Variants in SPSB1 observed in about 807,000 individuals in gnomAD.
SPSB1 encodes splA/ryanodine receptor domain and SOCS box containing 1.
A neutral mutation model predicts 21.2 loss-of-function variants in SPSB1; 8 were observed. That is an observed-to-expected ratio of 0.38 (90% CI 0.22 to 0.68). The LOEUF (loss-of-function observed/expected upper bound fraction) is 0.68. Ranked by LOEUF, SPSB1 falls within the 30% of genes least tolerant of loss-of-function variation. The pLI, the probability that SPSB1 is intolerant of heterozygous loss-of-function variation, is 0.53. For missense variants in SPSB1, 242 were observed against 377.8 expected (o/e 0.64, Z 2.98); for synonymous variants, 169 against 161.7 (o/e 1.05, Z -0.34).
chr1:9,367,725 C>G lies in SPSB1; in HGVS notation c.*150C>G. ...CTTCCCTCATCCTCCGTGGCTGCCT[C>G]CATGGGACAAGGACCGATTCCAACA... On this transcript the variant is annotated 3_prime_UTR_variant, in exon 3 of 3. Coordinates refer to ENST00000328089, the MANE Select transcript of SPSB1 (RefSeq NM_025106.4). This position sits in a 1 kb window ranked among gnomAD's most constrained non-coding sequence, Gnocchi z 5.9. The G allele has an allele frequency of 2.4e-6, 3 of 1,250,084 alleles. No individual in the cohort carries two copies. Among genetic ancestry groups the G allele is most frequent in the Non-Finnish European group, 3.2e-6 (3 of 929,216 alleles). The allele number at this position is 1,250,084 out of a possible 1,614,324, so 77.4% of individuals were successfully genotyped here. A position where few individuals can be genotyped will look rare whatever the true frequency, so the allele number is the denominator to read the frequency against.
intron 1 of SPSB1, among the ~76,000 whole-genome samples, chr1:9,297,808 G>A (rs1335381968): frequency 6.6e-6 from 1 of 152,098 alleles, no homozygotes; most frequent in African/African-American, 2.4e-5. Context: ...AAAGGCTTAG[G>A]GACATTGGAA....
At position 9,317,837 on chromosome 1, in the gene SPSB1, A is replaced by ATTT. The variant is rs34392416; in HGVS notation, c.-150+24783_-150+24785dup. On this transcript the variant is annotated intron_variant, in intron 1 of 2. Transcript: ENST00000328089. This position sits in a 1 kb window ranked among gnomAD's most constrained non-coding sequence, Gnocchi z 4.3. ...GTGATTTCCGGTGGCGAGGGAACCA[A>ATTT]TTTTTTTTTTTTTTTTTTTGAGACC... is the stretch of plus-strand genomic sequence containing the variant. Among the ~76,000 whole-genome samples, 16 of 134,706 alleles carry ATTT rather than the reference A, an allele frequency of 1.2e-4. No homozygotes were observed. The highest frequency in any genetic ancestry group is 1.7e-4 in the African/African-American group (6 of 35,036). 88.4% of individuals were successfully genotyped at this position (134,706 alleles called of 152,430 possible).
At chr1:9,338,150 C>T (rs1400012348) in intron 1 of SPSB1, among the ~76,000 whole-genome samples, 1 of 152,242 alleles carries the variant, frequency 6.6e-6, no homozygotes, top group Non-Finnish European at 1.5e-5. Flanking sequence ...CGCTCCTCCC[C>T]CCAGACCTGG....
At chr1:9,307,992 T>C (rs1639450334) in intron 1 of SPSB1, among the ~76,000 whole-genome samples, 1 of 152,146 alleles carries the variant, frequency 6.6e-6, no homozygotes. Flanking sequence ...CTCATGGTGC[T>C]CCTCCTCCTG....
At chr1:9,319,042 G>T (rs903471646) in intron 1 of SPSB1, among the ~76,000 whole-genome samples, 7 of 152,076 alleles carry the variant, frequency 4.6e-5, no homozygotes, top group Non-Finnish European at 8.8e-5. Context: ...GCCGGGCATG[G>T]TGGCGCACCC....
intron 1 of SPSB1, among the ~76,000 whole-genome samples, chr1:9,295,215 TGA>T (rs1167953386): frequency 3.2e-4 from 26 of 81,290 alleles, no homozygotes; most frequent in African/African-American, 1.1e-3. Flanking sequence ...TGTGAGAGTG[TGA>T]GTGTGTGTGT....
At chr1:9,364,345 C>T (rs951581972) in intron 2 of SPSB1, among the ~76,000 whole-genome samples, 1 of 152,258 alleles carries the variant, frequency 6.6e-6, no homozygotes, top group African/African-American at 2.4e-5. Flanking sequence ...AGACCACAGG[C>T]TGCGATAAGC....
At chr1:9,299,388 T>C (rs1639278779) in intron 1 of SPSB1, among the ~76,000 whole-genome samples, 1 of 152,188 alleles carries the variant, frequency 6.6e-6, no homozygotes, top group Admixed American at 6.5e-5. Context: ...CCTGTAATCC[T>C]AGCACTTCAG....
intron 1 of SPSB1, 41 bp from the exon 2 acceptor site, chr1:9,355,702 C>T (rs966218581): frequency 1.5e-6 from 2 of 1,312,824 alleles, no homozygotes; most frequent in African/African-American, 3.0e-5. Context: ...CCCTTCATCC[C>T]ACAGTCCTGC....
chr1:9,322,227 G>A (rs1243294640), intron 1 of SPSB1, among the ~76,000 whole-genome samples: 1 of 152,138 alleles, frequency 6.6e-6, no homozygotes, highest in Non-Finnish European at 1.5e-5. Context: ...GCTGAGTAGA[G>A]TACCAGCATC....
At chr1:9,335,361 G>C (rs1000958089) in intron 1 of SPSB1, among the ~76,000 whole-genome samples, 1 of 152,020 alleles carries the variant, frequency 6.6e-6, no homozygotes, top group East Asian at 1.9e-4. Context: ...AATTAACCAG[G>C]TGTGGTGGTG....
intron 2 of SPSB1, among the ~76,000 whole-genome samples, chr1:9,366,450 A>G (rs893003477): frequency 6.6e-6 from 1 of 152,126 alleles, no homozygotes; most frequent in Non-Finnish European, 1.5e-5. Flanking sequence ...AGGGTTTGCC[A>G]TGTCTTCCTT....
chr1:9,306,376 A>AG (rs1639411077), intron 1 of SPSB1, among the ~76,000 whole-genome samples: 1 of 152,088 alleles, frequency 6.6e-6, no homozygotes, highest in Non-Finnish European at 1.5e-5. Flanking sequence ...TCCAGCCTGG[A>AG]GGAGGTGGAA....
chr1:9,315,322 C>T (rs1375916385), intron 1 of SPSB1, among the ~76,000 whole-genome samples: 1 of 152,258 alleles, frequency 6.6e-6, no homozygotes, highest in Non-Finnish European at 1.5e-5. Context: ...TGCCCACCCA[C>T]GTTAGCTCTC....
Position 9,311,161 on chromosome 1 carries a change from T to G in SPSB1, c.-150+18090T>G, listed in dbSNP as rs1262564290. 8.9e-4 allele frequency among the ~76,000 whole-genome samples: 18 copies of G among 20,122 alleles called. No homozygotes were observed. In the African/African-American group the frequency reaches 0.014, roughly 16 times the overall value. 13.2% of individuals were successfully genotyped at this position (20,122 alleles called of 152,430 possible). A position where few individuals can be genotyped will look rare whatever the true frequency, so the allele number is the denominator to read the frequency against. ...TGTCTAGACAGCGCAGGATAAAGGG[T>G]TTTTTTTTTTTTTTTTTAATGCCTT... is the stretch of plus-strand genomic sequence containing the variant. On this transcript the variant is annotated intron_variant, in intron 1 of 2. Coordinates refer to ENST00000328089, the MANE Select transcript of SPSB1 (RefSeq NM_025106.4).
In SPSB1 at chr1:9,293,325, C is replaced by T. The variant is rs1639151739; in HGVS notation, c.-150+254C>T. ...GGGGCCCAGGCCCGCCCCGCGCTGC[C>T]GCCGCTGCAGGGCAGGGGGTCCCGG... On this transcript the variant is annotated intron_variant, in intron 1 of 2. Coordinates refer to ENST00000328089, the MANE Select transcript of SPSB1 (RefSeq NM_025106.4). The surrounding 1 kb of genome is among the most constrained non-coding windows in gnomAD (Gnocchi z 5.1). Among the ~76,000 whole-genome samples, 1 of 149,066 alleles carries T rather than the reference C, an allele frequency of 6.7e-6. No individual in the cohort carries two copies. Among genetic ancestry groups the T allele is most frequent in the Non-Finnish European group, 1.5e-5 (1 of 66,952 alleles).
intron 1 of SPSB1, among the ~76,000 whole-genome samples, chr1:9,329,126 C>T (rs953231938): frequency 6.6e-6 from 1 of 152,106 alleles, no homozygotes; most frequent in African/African-American, 2.4e-5. Context: ...GACAGCCTCC[C>T]AAGGGGGAGA....
rs75830710 is a variant in SPSB1, at chr1:9,339,248, G to A, written c.-149-16495G>A. 158 of 985,356 alleles carry A rather than the reference G, an allele frequency of 1.6e-4. 4 individuals are homozygous for A. In the East Asian group the frequency reaches 0.016, roughly 99 times the overall value. 61.0% of individuals were successfully genotyped at this position (985,356 alleles called of 1,614,324 possible). A position where few individuals can be genotyped will look rare whatever the true frequency, so the allele number is the denominator to read the frequency against. On this transcript the variant is annotated intron_variant, in intron 1 of 2. Transcript: ENST00000328089. ...TCCCAGGCACTTGCCTAGAATATTC[G>A]AGAACTCCAGGTCCCCCGGTAGGTA...
At chr1:9,366,761 A>T (rs1640578799) in intron 2 of SPSB1, among the ~76,000 whole-genome samples, 1 of 152,040 alleles carries the variant, frequency 6.6e-6, no homozygotes, top group Admixed American at 6.6e-5. Context: ...TTTAGTAGAG[A>T]CGGGGTTTCA....
Sources: allele counts gnomAD v4.1 joint callset (sites outside exome capture counted in the v4.1 genomes callset), GRCh38; gene constraint gnomAD v4.1.1; non-coding constraint Gnocchi (gnomAD v3.1); transcripts MANE v1.5; gene names NCBI Gene and HGNC (gene_info 2026-07-23, HGNC 2026-07-21).